The following ARHGEF3 variants were observed in gnomAD, a reference collection of about 807,000 sequenced individuals.
ARHGEF3 encodes Rho guanine nucleotide exchange factor 3.
A neutral mutation model predicts 63.2 loss-of-function variants in ARHGEF3; 28 were observed. That is an observed-to-expected ratio of 0.44 (90% CI 0.33 to 0.61). ARHGEF3 has a LOEUF of 0.61. Ranked by LOEUF, ARHGEF3 falls within the 20% of genes least tolerant of loss-of-function variation. ARHGEF3 has a pLI of 0.03. For synonymous variants in ARHGEF3, 266 were observed against 254.2 expected (o/e 1.05, Z -0.44); for missense variants, 533 against 659.3 (o/e 0.81, Z 2.10).
At chr3:56,909,125 G>A (rs2041783791) in intron 3 of ARHGEF3, among the ~76,000 whole-genome samples, 1 of 152,336 alleles carries the variant, frequency 6.6e-6, no homozygotes, top group East Asian at 1.9e-4. Flanking sequence ...AGAAGGAGAA[G>A]GGAGAATGGA....
intron 4 of ARHGEF3, among the ~76,000 whole-genome samples, chr3:56,849,071 A>G (rs1431608427): frequency 6.6e-6 from 1 of 152,136 alleles, no homozygotes; most frequent in African/African-American, 2.4e-5. Flanking sequence ...ATTTAGTAAA[A>G]CCACTAAAAG....
rs370241856 is a variant in ARHGEF3, at chr3:56,757,832, C to T, written c.205-2681G>A. ...CCGCCTCCCGGGTTCACACCATTCT[C>T]CTGCCTCAGCCTCCCAAGTAGCTGG... On this transcript the variant is annotated intron_variant, in intron 2 of 9. Transcript: ENST00000296315. Among the ~76,000 whole-genome samples the T allele has an allele frequency of 4.0e-5, 6 of 151,746 alleles. No homozygotes were observed. In the South Asian group the frequency reaches 8.3e-4, roughly 21 times the overall value.
Position 57,054,961 on chromosome 3 carries a change from T to C in ARHGEF3, c.-27-19785A>G, listed in dbSNP as rs995981770. Among the ~76,000 whole-genome samples the C allele has an allele frequency of 3.9e-5, 6 of 152,094 alleles. No homozygotes were observed. The East Asian group carries it at 1.2e-3, about 30-fold the overall frequency. On this transcript the variant is annotated intron_variant, in intron 1 of 12. Coordinates refer to the ARHGEF3 transcript ENST00000338458. ...ATCGCACCCAGCAAAAAAAATTTTT[T>C]TGTAAATAAAATTGTGTTGTCTATT...
At chr3:56,874,096 T>C (rs1241016219) in intron 4 of ARHGEF3, among the ~76,000 whole-genome samples, 2 of 152,176 alleles carry the variant, frequency 1.3e-5, no homozygotes, top group Admixed American at 6.5e-5. Context: ...CAAGATGCAA[T>C]ATGTCTATGT....
intron 2 of ARHGEF3, among the ~76,000 whole-genome samples, chr3:57,002,505 T>TGTA (rs1702281240): frequency 2.1e-5 from 2 of 94,784 alleles, no homozygotes; most frequent in African/African-American, 6.8e-5. Context: ...ATGTTATATA[T>TGTA]ATATATATGT....
At chr3:56,756,235 A>C (rs1426027291) in intron 2 of ARHGEF3, among the ~76,000 whole-genome samples, 4 of 152,164 alleles carry the variant, frequency 2.6e-5, no homozygotes, top group African/African-American at 9.7e-5. Context: ...CTTATTGGAG[A>C]CTTTGCCAAA....
intron 3 of ARHGEF3, among the ~76,000 whole-genome samples, chr3:56,931,699 G>C (rs2042417076): frequency 6.6e-6 from 1 of 151,524 alleles, no homozygotes; most frequent in African/African-American, 2.4e-5. Flanking sequence ...GCCATATTAG[G>C]TATTTTTCTC....
chr3:56,853,071 C>T (rs1280642279), intron 4 of ARHGEF3, among the ~76,000 whole-genome samples: 1 of 152,228 alleles, frequency 6.6e-6, no homozygotes, highest in East Asian at 1.9e-4. Flanking sequence ...TGAATTTGAT[C>T]CAAAAATGGA....
At chr3:56,916,411 C>A in intron 3 of ARHGEF3, 2 of 1,518,696 alleles carry the variant, frequency 1.3e-6, no homozygotes, top group African/African-American at 1.4e-5. Flanking sequence ...GCACAGGATT[C>A]TCTGAACAGG....
intron 3 of ARHGEF3, among the ~76,000 whole-genome samples, chr3:56,907,613 A>G (rs1339222037): frequency 6.6e-6 from 1 of 152,234 alleles, no homozygotes. Flanking sequence ...ACATGGAATC[A>G]ACCTAGATGC....
chr3:56,918,214 C>T (rs1395888369), intron 3 of ARHGEF3, among the ~76,000 whole-genome samples: 4 of 152,144 alleles, frequency 2.6e-5, no homozygotes, highest in African/African-American at 4.8e-5. Context: ...CTGGGAAATG[C>T]GGGAGGCTCC....
At position 57,001,921 on chromosome 3, in the gene ARHGEF3, T is replaced by TG. The variant is rs1451643897; in HGVS notation, c.62+33166_62+33167insC. Among the ~76,000 whole-genome samples the TG allele has an allele frequency of 7.8e-5, 5 of 64,308 alleles. No individual in the cohort carries two copies. In the East Asian group the frequency reaches 2.1e-3, roughly 28 times the overall value. The allele number at this position is 64,308 out of a possible 152,430, so 42.2% of individuals were successfully genotyped here. A position where few individuals can be genotyped will look rare whatever the true frequency, so the allele number is the denominator to read the frequency against. On this transcript the variant is annotated intron_variant, in intron 2 of 12. Coordinates refer to the ARHGEF3 transcript ENST00000338458. ...TAAAACCCAAAGTGAGATAGTTTTT[T>TG]TTTTTTTTGTTTTTTGTTTTGAGAC...
intron 8 of ARHGEF3, among the ~76,000 whole-genome samples, chr3:56,733,915 T>C (rs547706992): frequency 7.6e-6 from 1 of 132,238 alleles, no homozygotes; most frequent in African/African-American, 2.9e-5. Context: ...ACCCAGGAGG[T>C]GGAGGTTGCA....
At chr3:56,771,028 G>A (rs1475202759) in intron 2 of ARHGEF3, among the ~76,000 whole-genome samples, 2 of 151,506 alleles carry the variant, frequency 1.3e-5, no homozygotes, top group East Asian at 1.9e-4. Flanking sequence ...CAGGAGAATC[G>A]CTTGAACCCG....
chr3:56,801,626 G>A (rs1344541593), intron 1 of ARHGEF3, 77 bp downstream of exon 1: 1 of 1,505,052 alleles, frequency 6.6e-7, no homozygotes, highest in African/African-American at 1.4e-5. Context: ...CACTGGACGG[G>A]CGCCGAGAAT....
In ARHGEF3 at chr3:56,808,435, C is replaced by T. The variant is rs79625980; in HGVS notation, c.193-34619G>A. ...CCATCTCTACAAAAAAAGAAATATCCGAAAAGTAGCTGGGCGTAGTAGCAT... is the reference window on the plus strand; with the variant it reads ...CCATCTCTACAAAAAAAGAAATATCTGAAAAGTAGCTGGGCGTAGTAGCAT... On this transcript the variant is annotated intron_variant, in intron 4 of 12. Coordinates refer to the ARHGEF3 transcript ENST00000338458. Among the ~76,000 whole-genome samples the T allele has an allele frequency of 9.7e-3, 1,477 of 151,934 alleles. 69 individuals are homozygous for T. In the East Asian group the frequency reaches 0.1, roughly 10 times the overall value.
intron 4 of ARHGEF3, among the ~76,000 whole-genome samples, chr3:56,820,384 A>T (rs2038436514): frequency 6.6e-6 from 1 of 152,232 alleles, no homozygotes; most frequent in South Asian, 2.1e-4. Flanking sequence ...ATTAAAACAC[A>T]TAATGAGAAA....
chr3:57,065,471 A>G (rs1273511702), intron 1 of ARHGEF3, among the ~76,000 whole-genome samples: 1 of 152,206 alleles, frequency 6.6e-6, no homozygotes, highest in Non-Finnish European at 1.5e-5. Flanking sequence ...AAAACAAAAA[A>G]AAAAGAAATT....
chr3:57,068,157 G>GCA (rs1331268015), intron 1 of ARHGEF3, among the ~76,000 whole-genome samples: 257 of 80,170 alleles, frequency 3.2e-3, no homozygotes, highest in African/African-American at 0.012. Flanking sequence ...AGATATGCGC[G>GCA]CACACACACA....
Sources: gnomAD v4.1 joint callset for allele counts (sites outside exome capture counted in the v4.1 genomes callset) on GRCh38, gnomAD v4.1.1 for gene constraint, MANE v1.5 for transcripts, NCBI Gene and HGNC (gene_info 2026-07-23, HGNC 2026-07-21) for gene names.